SNTG1: variants seen among roughly 807,000 people sequenced by gnomAD.
The protein encoded by SNTG1 is gamma-1-syntrophin.
Under a neutral mutation model 74.7 loss-of-function variants are expected in SNTG1, and 39 were observed. The ratio of observed to expected loss-of-function variants is 0.52; its 90% confidence interval spans 0.40 to 0.68. The LOEUF (loss-of-function observed/expected upper bound fraction) is 0.68. Ranked by LOEUF, SNTG1 falls within the 30% of genes least tolerant of loss-of-function variation. SNTG1 has a pLI of 0.00. For synonymous variants in SNTG1, 254 were observed against 217.1 expected (o/e 1.17, Z -1.49); for missense variants, 685 against 609.5 (o/e 1.12, Z -1.30).
intron 5 of SNTG1, among the ~76,000 whole-genome samples, chr8:50,442,373 A>G (rs1293436884): frequency 6.6e-6 from 1 of 152,012 alleles, no homozygotes; most frequent in Non-Finnish European, 1.5e-5. Flanking sequence ...AGTGAAGCAA[A>G]TCCCTACTTT....
intron 2 of SNTG1, among the ~76,000 whole-genome samples, chr8:50,176,787 C>T (rs1053862613): frequency 1.3e-5 from 2 of 152,174 alleles, no homozygotes; most frequent in African/African-American, 2.4e-5. Flanking sequence ...TTCAAAGACT[C>T]TCTTAGTTGA....
intron 1 of SNTG1, among the ~76,000 whole-genome samples, chr8:50,143,337 G>A (rs1203866336): frequency 6.6e-6 from 1 of 151,936 alleles, no homozygotes; most frequent in East Asian, 1.9e-4. Context: ...AATTTTTATT[G>A]AGAAAAACGT....
chr8:49,952,991 C>T (rs1365350504), intron 1 of SNTG1, among the ~76,000 whole-genome samples: 1 of 152,120 alleles, frequency 6.6e-6, no homozygotes, highest in Non-Finnish European at 1.5e-5. Flanking sequence ...TGTTGCCTTC[C>T]ATGCAGAGAT....
At chr8:50,178,088 C>T (rs2083065576) in intron 2 of SNTG1, among the ~76,000 whole-genome samples, 1 of 152,064 alleles carries the variant, frequency 6.6e-6, no homozygotes, top group Non-Finnish European at 1.5e-5. Flanking sequence ...GTGGTATACT[C>T]CGATTTATTT....
chr8:50,403,579 AAAT>A, intron 4 of SNTG1, among the ~76,000 whole-genome samples: 1 of 152,326 alleles, frequency 6.6e-6, no homozygotes, highest in African/African-American at 2.4e-5. Flanking sequence ...TTTGATACTG[AAAT>A]AATATTATTG....
At chr8:50,644,644 C>T (rs1244170867) in intron 13 of SNTG1, among the ~76,000 whole-genome samples, 1 of 152,066 alleles carries the variant, frequency 6.6e-6, no homozygotes, top group Admixed American at 6.6e-5. Flanking sequence ...AAAAGTTATA[C>T]ATTAAATTTT....
At chr8:50,127,480 AC>A (rs1156254437) in intron 1 of SNTG1, among the ~76,000 whole-genome samples, 2 of 152,042 alleles carry the variant, frequency 1.3e-5, no homozygotes, top group Non-Finnish European at 1.5e-5. Context: ...ATTCTGGCCC[AC>A]CGCCCAGTGG....
At chr8:50,252,416 G>C (rs12678773) in intron 2 of SNTG1, among the ~76,000 whole-genome samples, 1 of 152,048 alleles carries the variant, frequency 6.6e-6, no homozygotes, top group Non-Finnish European at 1.5e-5. Context: ...ACTAAACAAA[G>C]AGTTGGGTTT....
At chr8:50,623,691 TTG>T (rs201464401) in intron 13 of SNTG1, among the ~76,000 whole-genome samples, 6,547 of 152,114 alleles carry the variant, frequency 0.043, 243 homozygotes, top group African/African-American at 0.094. Context: ...TTGAAAATAT[TTG>T]TTTTTATATA....
At chr8:50,175,394 A>G (rs1302418263) in intron 2 of SNTG1, among the ~76,000 whole-genome samples, 2 of 152,094 alleles carry the variant, frequency 1.3e-5, no homozygotes, top group Admixed American at 6.6e-5. Flanking sequence ...GGATATTCAT[A>G]TTTCTCCTGT....
At chr8:50,053,343 C>T (rs1250249869) in intron 1 of SNTG1, among the ~76,000 whole-genome samples, 1 of 151,972 alleles carries the variant, frequency 6.6e-6, no homozygotes, top group East Asian at 1.9e-4. Context: ...AAAAAGATCA[C>T]ATATTGTATG....
At chr8:50,101,640 G>A (rs1026287836) in intron 1 of SNTG1, among the ~76,000 whole-genome samples, 6 of 152,060 alleles carry the variant, frequency 3.9e-5, no homozygotes, top group South Asian at 4.2e-4. Flanking sequence ...CATGTGCCAT[G>A]CTGGTGTGCT....
chr8:50,414,699 C>A (rs1052038573), intron 4 of SNTG1, among the ~76,000 whole-genome samples: 1 of 151,806 alleles, frequency 6.6e-6, no homozygotes, highest in Admixed American at 6.6e-5. Flanking sequence ...TTAAGTATAT[C>A]TGACTCAAAG....
chr8:50,304,067 A>G (rs1401366012), intron 2 of SNTG1, among the ~76,000 whole-genome samples: 6 of 152,148 alleles, frequency 3.9e-5, no homozygotes, highest in Non-Finnish European at 8.8e-5. Context: ...TTTAATTACC[A>G]TATGATGGAA....
intron 2 of SNTG1, among the ~76,000 whole-genome samples, chr8:50,268,906 G>C (rs542565436): frequency 8.2e-4 from 125 of 152,200 alleles, no homozygotes; most frequent in African/African-American, 2.9e-3. Context: ...TGATATGTCT[G>C]CCTCGGCCTC....
intron 15 of SNTG1, among the ~76,000 whole-genome samples, chr8:50,687,569 C>A (rs1331222518): frequency 6.6e-6 from 1 of 151,876 alleles, no homozygotes; most frequent in Non-Finnish European, 1.5e-5. Context: ...TAAAGGGATA[C>A]GTTCTTTTTT....
intron 1 of SNTG1, among the ~76,000 whole-genome samples, chr8:50,091,667 C>A (rs1053723167): frequency 1.3e-5 from 2 of 151,950 alleles, no homozygotes; most frequent in African/African-American, 4.8e-5. Flanking sequence ...GTGTATGTAT[C>A]ATGATTCTAT....
At chr8:50,000,357 A>T (rs1814627929) in intron 1 of SNTG1, among the ~76,000 whole-genome samples, 1 of 152,118 alleles carries the variant, frequency 6.6e-6, no homozygotes, top group South Asian at 2.1e-4. Flanking sequence ...TATTCCTCCG[A>T]GTTTTAAAAT....
intron 11 of SNTG1, among the ~76,000 whole-genome samples, chr8:50,551,086 G>T (rs2094423117): frequency 6.6e-6 from 1 of 152,084 alleles, no homozygotes; most frequent in Non-Finnish European, 1.5e-5. Flanking sequence ...ATGGTAAATT[G>T]TTCTCACTTT....
Sources: gnomAD v4.1 joint callset for allele counts (sites outside exome capture counted in the v4.1 genomes callset) on GRCh38, gnomAD v4.1.1 for gene constraint, MANE v1.5 for transcripts, NCBI Gene and HGNC (gene_info 2026-07-23, HGNC 2026-07-21) for gene names.